Variants in LRP1B observed in about 807,000 individuals in gnomAD.
LRP1B encodes LDL receptor related protein 1B.
A neutral mutation model predicts 556.6 loss-of-function variants in LRP1B; 217 were observed. That is an observed-to-expected ratio of 0.39 (90% CI 0.35 to 0.44). The LOEUF is 0.44. LRP1B is among the 20% of genes least tolerant of loss of function. The pLI is 1.00. For missense variants in LRP1B, 5,053 were observed against 5,620.8 expected, an observed-to-expected ratio of 0.90 and a Z score of 3.23; for synonymous variants, 2,047 against 1,865.8, an observed-to-expected ratio of 1.10 and a Z score of -2.50.
At chr2:140,779,435 G>A (rs1020992027) in intron 32 of LRP1B, among the ~76,000 whole-genome samples, 7 of 152,092 alleles carry the variant, frequency 4.6e-5, no homozygotes, top group African/African-American at 1.2e-4. Flanking sequence ...GGTGGCTCAC[G>A]CCTGTAATCC....
intron 1 of LRP1B, among the ~76,000 whole-genome samples, chr2:141,974,339 A>G (rs192112798): frequency 6.6e-5 from 10 of 152,070 alleles, no homozygotes; most frequent in African/African-American, 2.4e-4. Flanking sequence ...AGAACGGTTA[A>G]CTCCTCATAC....
chr2:141,207,007 T>C (rs1440402278), intron 6 of LRP1B, among the ~76,000 whole-genome samples: 1 of 152,206 alleles, frequency 6.6e-6, no homozygotes, highest in Non-Finnish European at 1.5e-5. Flanking sequence ...ATTTCAAGTT[T>C]CCAGCGTATT....
chr2:140,307,415 A>G (rs1684115031), intron 83 of LRP1B, among the ~76,000 whole-genome samples: 1 of 151,904 alleles, frequency 6.6e-6, no homozygotes. Flanking sequence ...TGCTTAGGCT[A>G]TTAAACTTGA....
intron 3 of LRP1B, among the ~76,000 whole-genome samples, chr2:141,302,663 G>T (rs1249520763): frequency 6.6e-6 from 1 of 151,926 alleles, no homozygotes; most frequent in Non-Finnish European, 1.5e-5. Context: ...GTTACAAGAT[G>T]GCAGTCTTCT....
intron 84 of LRP1B, 116 bp downstream of exon 84, chr2:140,297,692 A>G (rs1351171239): frequency 8.8e-7 from 1 of 1,135,922 alleles, no homozygotes; most frequent in Non-Finnish European, 1.3e-6. Context: ...AGTGACAGAG[A>G]CTGAACCTGA....
intron 25 of LRP1B, 96 bp downstream of exon 25, chr2:140,883,721 C>T: frequency 4.0e-6 from 4 of 993,992 alleles, no homozygotes; most frequent in Non-Finnish European, 2.9e-6. Flanking sequence ...AAAATAACCA[C>T]TTTGACTCAT....
chr2:141,109,018 A>C (rs147617307), intron 7 of LRP1B, among the ~76,000 whole-genome samples: 70 of 152,326 alleles, frequency 4.6e-4, no homozygotes, highest in African/African-American at 1.6e-3. Flanking sequence ...CAAGATTTGC[A>C]ACTTCCACAA....
chr2:141,370,773 T>C (rs1042935317), intron 3 of LRP1B, among the ~76,000 whole-genome samples: 1 of 152,208 alleles, frequency 6.6e-6, no homozygotes, highest in Admixed American at 6.5e-5. Flanking sequence ...TGTTTACGGT[T>C]TCAGGTCTCA....
At chr2:141,889,071 C>T (rs750372948) in intron 1 of LRP1B, among the ~76,000 whole-genome samples, 15 of 152,156 alleles carry the variant, frequency 9.9e-5, no homozygotes, top group Non-Finnish European at 1.9e-4. Context: ...AGAGATTATG[C>T]TGGAAATAAT....
intron 3 of LRP1B, among the ~76,000 whole-genome samples, chr2:141,388,734 T>C (rs1334420554): frequency 6.6e-6 from 1 of 152,098 alleles, no homozygotes; most frequent in Non-Finnish European, 1.5e-5. Context: ...TATTATCAGA[T>C]GATATGAACC....
intron 35 of LRP1B, among the ~76,000 whole-genome samples, chr2:140,728,826 G>A (rs1403469472): frequency 6.6e-6 from 1 of 152,082 alleles, no homozygotes; most frequent in African/African-American, 2.4e-5. Context: ...TAGTGGCTCT[G>A]TGATATGGGC....
intron 5 of LRP1B, among the ~76,000 whole-genome samples, chr2:141,236,276 C>T (rs79551643): frequency 0.012 from 1,846 of 152,218 alleles, 44 homozygotes; most frequent in African/African-American, 0.04. Context: ...ATATGCATTA[C>T]CTCACATAGT....
chr2:142,006,352 A>G (rs1702799377), intron 1 of LRP1B, among the ~76,000 whole-genome samples: 2 of 152,202 alleles, frequency 1.3e-5, no homozygotes, highest in African/African-American at 4.8e-5. Flanking sequence ...AAGAAACCTG[A>G]CAAGCAGTGT....
At chr2:141,776,853 C>T (rs1030740504) in intron 2 of LRP1B, among the ~76,000 whole-genome samples, 1 of 152,184 alleles carries the variant, frequency 6.6e-6, no homozygotes, top group Non-Finnish European at 1.5e-5. Flanking sequence ...ATTATAACAG[C>T]TTCCATTTAC....
intron 66 of LRP1B, among the ~76,000 whole-genome samples, chr2:140,412,787 T>C (rs1685020865): frequency 6.6e-6 from 1 of 152,092 alleles, no homozygotes; most frequent in Non-Finnish European, 1.5e-5. Context: ...TTACATTCTA[T>C]CATACCATTA....
intron 56 of LRP1B, among the ~76,000 whole-genome samples, chr2:140,494,021 T>C (rs1305181754): frequency 1.3e-5 from 2 of 151,750 alleles, no homozygotes; most frequent in African/African-American, 4.8e-5. Context: ...AGTCATGTTC[T>C]ACTTCACTGC....
chr2:140,287,000 A>G (rs1448689977), intron 84 of LRP1B, among the ~76,000 whole-genome samples: 1 of 151,796 alleles, frequency 6.6e-6, no homozygotes, highest in Non-Finnish European at 1.5e-5. Context: ...AACCAAAGTT[A>G]TAGAATACTG....
At chr2:141,266,424 T>G (rs577709547) in intron 3 of LRP1B, among the ~76,000 whole-genome samples, 8 of 152,246 alleles carry the variant, frequency 5.3e-5, no homozygotes, top group Non-Finnish European at 4.4e-5. Context: ...TTTATGATTT[T>G]CATGCTGTTT....
At chr2:141,688,003 G>T in intron 2 of LRP1B, among the ~76,000 whole-genome samples, 1 of 121,626 alleles carries the variant, frequency 8.2e-6, no homozygotes, top group Admixed American at 8.6e-5. Context: ...AATAAATTAT[G>T]ATTTTTGAAA....
Sources: allele counts gnomAD v4.1 joint callset (sites outside exome capture counted in the v4.1 genomes callset), GRCh38; gene constraint gnomAD v4.1.1; transcripts MANE v1.5; gene names NCBI Gene and HGNC (gene_info 2026-07-23, HGNC 2026-07-21).